The following TMEM108 variants were observed in gnomAD, a reference collection of about 807,000 sequenced individuals.
TMEM108 encodes transmembrane protein 108.
A neutral mutation model predicts 35.1 loss-of-function variants in TMEM108; 12 were observed. The observed-to-expected ratio is 0.34, with a 90% confidence interval of 0.22 to 0.55. The LOEUF is 0.55. Ranked by LOEUF, TMEM108 falls within the 20% of genes least tolerant of loss-of-function variation. The pLI is 0.89. For synonymous variants in TMEM108, 287 were observed against 308.6 expected (o/e 0.93, Z 0.73); for missense variants, 680 against 753.3 (o/e 0.90, Z 1.14).
At chr3:133,117,242 G>A (rs1169823801) in intron 2 of TMEM108, among the ~76,000 whole-genome samples, 1 of 152,134 alleles carries the variant, frequency 6.6e-6, no homozygotes. Flanking sequence ...TTGATCTAAT[G>A]TACCAGGAAA....
At chr3:133,151,623 A>G (rs1944802547) in intron 2 of TMEM108, among the ~76,000 whole-genome samples, 1 of 152,182 alleles carries the variant, frequency 6.6e-6, no homozygotes, top group South Asian at 2.1e-4. Context: ...TTAATGCTAG[A>G]AATAAATAAT....
At chr3:133,273,550 C>A (rs968972840) in intron 3 of TMEM108, among the ~76,000 whole-genome samples, 1 of 152,154 alleles carries the variant, frequency 6.6e-6, no homozygotes, top group African/African-American at 2.4e-5. Context: ...TCAAAGGGTC[C>A]CTCTCCCTGA....
At chr3:133,386,556 T>A in intron 4 of TMEM108, 2 of 1,510,198 alleles carry the variant, frequency 1.3e-6, no homozygotes, top group Non-Finnish European at 1.8e-6. Context: ...CCAGTGACAT[T>A]CCTGGGAACC....
At chr3:133,134,031 G>T (rs1944529697) in intron 2 of TMEM108, among the ~76,000 whole-genome samples, 1 of 151,526 alleles carries the variant, frequency 6.6e-6, no homozygotes. Flanking sequence ...CAAAGTGCTG[G>T]GATTACAGGC....
intron 2 of TMEM108, among the ~76,000 whole-genome samples, chr3:133,193,351 A>G (rs997030659): frequency 2.0e-5 from 3 of 152,210 alleles, no homozygotes; most frequent in Non-Finnish European, 4.4e-5. Flanking sequence ...AAAAGCATTT[A>G]TGAGGAGCCT....
intron 3 of TMEM108, among the ~76,000 whole-genome samples, chr3:133,362,979 G>C (rs1478386833): frequency 6.6e-6 from 1 of 152,184 alleles, no homozygotes; most frequent in Admixed American, 6.5e-5. Context: ...AGAGGGTGTT[G>C]TTTCCAGAAA....
At chr3:133,271,244 GAA>G (rs1442400976) in intron 3 of TMEM108, among the ~76,000 whole-genome samples, 1 of 152,184 alleles carries the variant, frequency 6.6e-6, no homozygotes, top group Non-Finnish European at 1.5e-5. Flanking sequence ...CTGTAGAACG[GAA>G]AGAGTTGGGA....
At chr3:133,071,032 C>G (rs897857659) in intron 2 of TMEM108, among the ~76,000 whole-genome samples, 4 of 152,064 alleles carry the variant, frequency 2.6e-5, no homozygotes, top group African/African-American at 9.7e-5. Context: ...CTCTCTGTTA[C>G]CAGCATATTG....
At chr3:133,061,104 T>C (rs1337871302) in intron 2 of TMEM108, among the ~76,000 whole-genome samples, 1 of 152,218 alleles carries the variant, frequency 6.6e-6, no homozygotes, top group East Asian at 1.9e-4. Context: ...TATATGAACA[T>C]GCAAGGCCTG....
rs1945333182 is a variant in TMEM108 at position 133,181,024 on chromosome 3, A to AAAAAAAAAAAAAAC, written c.-46-48229_-46-48228insCAAAAAAAAAAAAA. 1.4e-5 allele frequency among the ~76,000 whole-genome samples: 2 copies of AAAAAAAAAAAAAAC among 142,034 alleles called. 1 individual carries two copies. Among genetic ancestry groups the AAAAAAAAAAAAAAC allele is most frequent in the Non-Finnish European group, 3.0e-5 (2 of 67,336 alleles). 93.2% of individuals were successfully genotyped at this position (142,034 alleles called of 152,430 possible). A position where few individuals can be genotyped will look rare whatever the true frequency, so the allele number is the denominator to read the frequency against. ...CAGTTGTGTTAAAAAAAAAAAAAAA[A>AAAAAAAAAAAAAAC]AAAAAAAAAAAAAACAGCACTCCCA... On this transcript the variant is annotated intron_variant, in intron 2 of 5. Transcript: ENST00000321871.
intron 3 of TMEM108, among the ~76,000 whole-genome samples, chr3:133,364,246 T>C (rs1424457889): frequency 6.6e-6 from 1 of 152,212 alleles, no homozygotes; most frequent in Non-Finnish European, 1.5e-5. Context: ...CCACAAGCCT[T>C]TCCTGCTCAA....
intron 2 of TMEM108, among the ~76,000 whole-genome samples, chr3:133,100,102 CG>C (rs1412982778): frequency 1.5e-4 from 23 of 152,242 alleles, no homozygotes; most frequent in African/African-American, 5.3e-4. Flanking sequence ...AGAATCATGG[CG>C]GGAGGTGAAA....
intron 2 of TMEM108, among the ~76,000 whole-genome samples, chr3:133,142,822 T>TAA (rs772347364): frequency 6.6e-6 from 1 of 152,212 alleles, no homozygotes; most frequent in Non-Finnish European, 1.5e-5. Context: ...AACAGTGTTC[T>TAA]AAATGCTTTA....
At chr3:133,110,356 C>T (rs1402494150) in intron 2 of TMEM108, among the ~76,000 whole-genome samples, 3 of 152,170 alleles carry the variant, frequency 2.0e-5, no homozygotes, top group South Asian at 4.1e-4. Flanking sequence ...TGGCTATGTG[C>T]GTCAGGTAGC....
chr3:133,292,725 A>G (rs1194127625), intron 3 of TMEM108, among the ~76,000 whole-genome samples: 1 of 152,158 alleles, frequency 6.6e-6, no homozygotes, highest in African/African-American at 2.4e-5. Flanking sequence ...TCCTTTTCTC[A>G]GAGACACAGA....
intron 2 of TMEM108, among the ~76,000 whole-genome samples, chr3:133,054,925 G>A (rs73860817): frequency 0.039 from 5,945 of 152,316 alleles, 388 homozygotes; most frequent in African/African-American, 0.13. Context: ...TTTGTTGAAA[G>A]AGAGTCTGAA....
intron 4 of TMEM108, chr3:133,387,241 C>A (rs2073166140): frequency 1.0e-6 from 1 of 985,322 alleles, no homozygotes; most frequent in South Asian, 4.7e-5. Context: ...TCCATGATCT[C>A]TTTAATTCTC....
intron 3 of TMEM108, among the ~76,000 whole-genome samples, chr3:133,302,776 G>T (rs574705678): frequency 2.6e-5 from 4 of 152,002 alleles, no homozygotes; most frequent in Non-Finnish European, 4.4e-5. Flanking sequence ...ATTTTTACTC[G>T]AATTGTTTGG....
At chr3:133,109,270 C>T (rs1432113172) in intron 2 of TMEM108, among the ~76,000 whole-genome samples, 2 of 152,066 alleles carry the variant, frequency 1.3e-5, no homozygotes, top group East Asian at 1.9e-4. Flanking sequence ...TAGATACTTT[C>T]GAAGGTTCAT....
Sources: gnomAD v4.1 joint callset for allele counts (sites outside exome capture counted in the v4.1 genomes callset) on GRCh38, gnomAD v4.1.1 for gene constraint, MANE v1.5 for transcripts, NCBI Gene and HGNC (gene_info 2026-07-23, HGNC 2026-07-21) for gene names.